ZSCAN31: variants seen among roughly 807,000 people sequenced by gnomAD.
ZSCAN31 encodes zinc finger and SCAN domain-containing protein 31.
A neutral mutation model predicts 22.5 loss-of-function variants in ZSCAN31; 14 were observed. The observed-to-expected ratio is 0.62, with a 90% CI of 0.41 to 0.97. ZSCAN31 has a LOEUF of 0.97. ZSCAN31 is among the 50% of genes least tolerant of loss of function. The pLI is 0.00. For synonymous variants in ZSCAN31, 168 were observed against 169.8 expected (o/e 0.99, Z 0.08); for missense variants, 424 against 483.4 (o/e 0.88, Z 1.15).
chr6:28,338,234 AC>A (rs1764278367), upstream of ZSCAN31, among the ~76,000 whole-genome samples: 2 of 152,190 alleles, frequency 1.3e-5, no homozygotes, highest in South Asian at 4.1e-4. Context: ...CCCCATCTCT[AC>A]CCAAAATACA....
At chr6:28,335,430 A>C (rs1764072119) in intron 1 of ZSCAN31, 1 of 152,266 alleles carries the variant, frequency 6.6e-6, no homozygotes, top group African/African-American at 2.4e-5. Flanking sequence ...GCAGGTTCCC[A>C]GGAAAAGTTT....
chr6:28,349,020 TATAC>T lies in ZSCAN31; in HGVS notation c.-371+4838_-371+4841del. Reference sequence around the variant, plus strand: ...TACATGTCTCATATACATAGGTGTATATACATGTCTCATATACATAGGTGTATAT... The same window carrying T: ...TACATGTCTCATATACATAGGTGTATATGTCTCATATACATAGGTGTATAT... On this transcript the variant is annotated intron_variant, in intron 2 of 7. Coordinates refer to the ZSCAN31 transcript ENST00000396838. This position sits in a 1 kb window ranked among gnomAD's most constrained non-coding sequence, Gnocchi z 4.1. 7.5e-6 allele frequency among the ~76,000 whole-genome samples: 1 copy of T among 133,366 alleles called. No homozygotes were observed. The highest frequency in any genetic ancestry group is 1.6e-5 in the Non-Finnish European group (1 of 62,064). 87.5% of individuals were successfully genotyped at this position (133,366 alleles called of 152,430 possible).
chr6:28,342,820 T>G (rs1764467410), intron 2 of ZSCAN31, among the ~76,000 whole-genome samples: 1 of 152,210 alleles, frequency 6.6e-6, no homozygotes, highest in South Asian at 2.1e-4. Flanking sequence ...CTACAGCTAG[T>G]TCTCAGAACT....
At chr6:28,340,859 T>G (rs1313242952), upstream of ZSCAN31, among the ~76,000 whole-genome samples, 1 of 152,210 alleles carries the variant, frequency 6.6e-6, no homozygotes, top group East Asian at 1.9e-4. Context: ...CAGCTGTCAC[T>G]TCCCTTCAGA....
chr6:28,334,690 G>A (rs1478056809), intron 1 of ZSCAN31, among the ~76,000 whole-genome samples: 1 of 152,196 alleles, frequency 6.6e-6, no homozygotes, highest in Non-Finnish European at 1.5e-5. Flanking sequence ...GAGGCAAAGA[G>A]TAAAATTGCC....
At chr6:28,344,170 T>A (rs576891204) in intron 2 of ZSCAN31, among the ~76,000 whole-genome samples, 1 of 152,320 alleles carries the variant, frequency 6.6e-6, no homozygotes, top group Non-Finnish European at 1.5e-5. Context: ...GGGAAATATA[T>A]TCAATGAAGA....
At chr6:28,341,238 T>C (rs1764400187) in intron 3 of ZSCAN31, among the ~76,000 whole-genome samples, 1 of 152,248 alleles carries the variant, frequency 6.6e-6, no homozygotes. Flanking sequence ...AATGTCTTAG[T>C]CTATTCAGGC....
chr6:28,328,568 T>C (rs1374936185), intron 2 of ZSCAN31, among the ~76,000 whole-genome samples: 1 of 152,244 alleles, frequency 6.6e-6, no homozygotes, highest in East Asian at 1.9e-4. Flanking sequence ...TGTTATCCTG[T>C]TCTTTTTTCA....
chr6:28,350,084 A>ATGTGTGTGTGTGTGTGTGTGTGTGTGTG, intron 2 of ZSCAN31: 1 of 148,810 alleles, frequency 6.7e-6, no homozygotes, highest in Non-Finnish European at 1.5e-5. Context: ...TTGCAGGAGT[A>ATGTGTGTGTGTGTGTGTGTGTGTGTGTG]TGTGTGTGTG....
At chr6:28,346,564 C>G (rs1246331610) in intron 2 of ZSCAN31, among the ~76,000 whole-genome samples, 1 of 151,960 alleles carries the variant, frequency 6.6e-6, no homozygotes. Flanking sequence ...ACCATGTTGT[C>G]CAGGCTAGTC....
At chr6:28,342,348 A>T (rs1021116772) in intron 2 of ZSCAN31, among the ~76,000 whole-genome samples, 1 of 152,198 alleles carries the variant, frequency 6.6e-6, no homozygotes, top group African/African-American at 2.4e-5. Flanking sequence ...AAAGTATCCC[A>T]TTCCTCCCTA....
At chr6:28,352,858 C>T (rs1765132414) in intron 2 of ZSCAN31, among the ~76,000 whole-genome samples, 1 of 152,118 alleles carries the variant, frequency 6.6e-6, no homozygotes, top group African/African-American at 2.4e-5. Context: ...ATCCTTTGAA[C>T]TGTAGAGAGT....
rs5875155 is a variant in ZSCAN31 at position 28,346,342 on chromosome 6, C to CTTTTTTTTTTTTT, written c.-370-4563_-370-4551dup. Reference sequence around the variant, plus strand: ...GCTTCTTGCTTCTCCTCAGTACAATCTTTTTTTTTTTTTTTTTTTTTTTTT... The same window carrying CTTTTTTTTTTTTT: ...GCTTCTTGCTTCTCCTCAGTACAATCTTTTTTTTTTTTTTTTTTTTTTTTTTTTTTTTTTTTTT... On this transcript the variant is annotated intron_variant, in intron 2 of 7. Coordinates refer to the ZSCAN31 transcript ENST00000396838. Among the ~76,000 whole-genome samples the CTTTTTTTTTTTTT allele has an allele frequency of 2.7e-3, 239 of 87,758 alleles. 13 individuals are homozygous for CTTTTTTTTTTTTT. Among genetic ancestry groups the CTTTTTTTTTTTTT allele is most frequent in the South Asian group, 4.0e-3 (8 of 1,978 alleles). 57.6% of individuals were successfully genotyped at this position (87,758 alleles called of 152,430 possible). A position where few individuals can be genotyped will look rare whatever the true frequency, so the allele number is the denominator to read the frequency against.
intron 2 of ZSCAN31, among the ~76,000 whole-genome samples, chr6:28,328,461 C>T (rs1763481279): frequency 6.6e-6 from 1 of 152,232 alleles, no homozygotes; most frequent in Admixed American, 6.5e-5. Flanking sequence ...GATATTTCTC[C>T]TATTTGCTTT....
rs1305487587 is a variant in ZSCAN31, at chr6:28,326,407, A to G, written c.980T>C (p.Val327Ala). ...GCTGAGGAGGAAAGCCTTCCCACAC[A>G]CTTTGCATTCATATGGTTTTTCCCC... is the stretch of plus-strand genomic sequence containing the variant. ...HTGEKPYECK[V>A]CGKAFLLSSC... Residue 327 changes from valine (V) to alanine (A), a missense_variant, in exon 4 of 4, where the codon GTG becomes GCG. Coordinates refer to ENST00000344279, the MANE Select transcript of ZSCAN31 (RefSeq NM_030899.5). 6.2e-7 allele frequency: 1 copy of G among 1,614,010 alleles called. No homozygotes were observed. Among genetic ancestry groups the G allele is most frequent in the Admixed American group, 1.7e-5 (1 of 60,012 alleles).
chr6:28,353,881 A>G, exon 2 of ZSCAN31: 1 of 456,550 alleles, frequency 2.2e-6, no homozygotes, highest in Non-Finnish European at 4.4e-6. Flanking sequence ...GCCAAGTGTC[A>G]GGTTCCAGCC....
Position 28,325,619 on chromosome 6 carries a change from G to C in ZSCAN31, c.*547C>G, listed in dbSNP as rs1218748575. 1.3e-5 allele frequency: 2 copies of C among 152,032 alleles called. No individual in the cohort carries two copies. The highest frequency in any genetic ancestry group is 4.8e-5 in the African/African-American group (2 of 41,494). 9.4% of individuals were successfully genotyped at this position (152,032 alleles called of 1,614,324 possible). The stretch of plus-strand genomic sequence containing the variant: ...ATAGAAGCTATCTATCACATTCCTA[G>C]GGGAGACCATAGCAATGATTTCCTG... On this transcript the variant is annotated 3_prime_UTR_variant, in exon 4 of 4. Coordinates refer to ENST00000344279, the MANE Select transcript of ZSCAN31 (RefSeq NM_030899.5).
At chr6:28,344,070 G>A (rs966445710) in intron 2 of ZSCAN31, among the ~76,000 whole-genome samples, 1 of 152,072 alleles carries the variant, frequency 6.6e-6, no homozygotes, top group Admixed American at 6.5e-5. Context: ...TGTTATATTG[G>A]TTCACTCTAC....
chr6:28,334,087 T>C (rs566586469), intron 1 of ZSCAN31, among the ~76,000 whole-genome samples: 1 of 152,322 alleles, frequency 6.6e-6, no homozygotes, highest in East Asian at 1.9e-4. Context: ...GCTTAACCTT[T>C]GTAAAAGCAG....
Sources: gnomAD v4.1 joint callset for allele counts (sites outside exome capture counted in the v4.1 genomes callset) on GRCh38, gnomAD v4.1.1 for gene constraint, Gnocchi (gnomAD v3.1) non-coding constraint, MANE v1.5 for transcripts, NCBI Gene and HGNC (gene_info 2026-07-23, HGNC 2026-07-21) for gene names.